Variants in DBT observed in about 807,000 individuals in gnomAD.
DBT encodes the protein lipoamide acyltransferase component of branched-chain alpha-keto acid dehydrogenase complex, mitochondrial.
DBT carries 40 observed loss-of-function variants against 51.3 expected under a neutral mutation model. The observed-to-expected ratio is 0.78, with a 90% CI of 0.61 to 1.02. The LOEUF (loss-of-function observed/expected upper bound fraction) is 1.02, where lower values mean the gene tolerates loss of function less well. Ranked by LOEUF, DBT falls within the 50% of genes least tolerant of loss-of-function variation. DBT has a pLI of 0.00. For missense variants in DBT, 510 were observed against 580.2 expected (o/e 0.88, Z 1.24); for synonymous variants, 181 against 190.4 (o/e 0.95, Z 0.41).
At chr1:100,230,324 C>T (rs1050138892) in intron 4 of DBT, among the ~76,000 whole-genome samples, 15 of 152,152 alleles carry the variant, frequency 9.9e-5, no homozygotes, top group African/African-American at 3.4e-4. Flanking sequence ...AACTCAAATC[C>T]TGTAAGTTAT....
chr1:100,205,741 T>C (rs1000359779), intron 10 of DBT, among the ~76,000 whole-genome samples: 1 of 152,184 alleles, frequency 6.6e-6, no homozygotes, highest in African/African-American at 2.4e-5. Flanking sequence ...AAAGAAAATG[T>C]GGCACATATA....
intron 1 of DBT, 70 bp from the exon 2 acceptor site, chr1:100,240,954 T>G: frequency 7.2e-7 from 1 of 1,394,134 alleles, no homozygotes; most frequent in Non-Finnish European, 1.0e-6. Flanking sequence ...AAGTATAAAT[T>G]GAATTTCAAT....
intron 1 of DBT, among the ~76,000 whole-genome samples, chr1:100,248,556 G>A (rs1408947300): frequency 6.6e-6 from 1 of 152,176 alleles, no homozygotes; most frequent in Non-Finnish European, 1.5e-5. Context: ...CAGAAAGTGG[G>A]AAAAGTGCAG....
chr1:100,196,055 A>C lies in DBT; in HGVS notation c.*200T>G. 1.6e-6 allele frequency: 1 copy of C among 613,092 alleles called. No individual in the cohort carries two copies. The highest frequency in any genetic ancestry group is 2.9e-6 in the Non-Finnish European group (1 of 347,978). 38.0% of individuals were successfully genotyped at this position (613,092 alleles called of 1,614,324 possible). On this transcript the variant is annotated 3_prime_UTR_variant, in exon 11 of 11. Coordinates refer to ENST00000370132, the MANE Select transcript of DBT (RefSeq NM_001918.5). ...CACACTCTGACCTATAAAATGTGAC[A>C]GCCCCAGGAGAACCATTACACCATT...
At chr1:100,207,977 A>G (rs1033850865) in intron 8 of DBT, among the ~76,000 whole-genome samples, 3 of 152,124 alleles carry the variant, frequency 2.0e-5, no homozygotes, top group African/African-American at 7.2e-5. Context: ...CGAAAAATAC[A>G]AAAAGAAATT....
intron 1 of DBT, among the ~76,000 whole-genome samples, chr1:100,241,366 TTGTGTGTGTGTGTG>T (rs58256713): frequency 7.6e-5 from 11 of 144,012 alleles, no homozygotes; most frequent in South Asian, 2.3e-4. Context: ...CTGAAAGGTA[TTGTGTGTGTGTGTG>T]TGTGTGTGTG....
intron 5 of DBT, among the ~76,000 whole-genome samples, chr1:100,217,209 G>T (rs1238728841): frequency 1.3e-5 from 2 of 152,066 alleles, no homozygotes; most frequent in Non-Finnish European, 2.9e-5. Context: ...TCTTTAGGGA[G>T]TGTTTTAGGA....
At chr1:100,249,729 ATCAC>A (rs1407507303) in intron 1 of DBT, 37 bp downstream of exon 1, 3 of 1,603,998 alleles carry the variant, frequency 1.9e-6, no homozygotes, top group Non-Finnish European at 2.6e-6. Flanking sequence ...CTCCGGACAA[ATCAC>A]TCCTTCCCGG....
Position 100,218,359 on chromosome 1 carries a change from A to G in DBT, c.555+267T>C, listed in dbSNP as rs551826506. On this transcript the variant is annotated intron_variant, in intron 5 of 10. Transcript: ENST00000370132. ...CCTGACATAAGACCTGGTATTTACAAGTGCTCAGTAAATGGTAGCTCTTAC... is the reference window on the plus strand; with the variant it reads ...CCTGACATAAGACCTGGTATTTACAGGTGCTCAGTAAATGGTAGCTCTTAC... Among the ~76,000 whole-genome samples, 26 of 152,324 alleles carry G rather than the reference A, an allele frequency of 1.7e-4. 1 individual carries two copies. In the South Asian group the frequency reaches 3.7e-3, roughly 22 times the overall value.
At chr1:100,238,083 C>T (rs1422151178) in intron 2 of DBT, among the ~76,000 whole-genome samples, 1 of 152,044 alleles carries the variant, frequency 6.6e-6, no homozygotes, top group Non-Finnish European at 1.5e-5. Context: ...CTCCAGGTTT[C>T]TAGCTTTCCT....
At chr1:100,215,036 C>CTT in intron 6 of DBT, 53 bp from the exon 7 acceptor site, 1 of 1,173,452 alleles carries the variant, frequency 8.5e-7, no homozygotes, top group Admixed American at 3.1e-5. Flanking sequence ...ATCTCTTCAT[C>CTT]CTTTTTTTTT....
intron 7 of DBT, among the ~76,000 whole-genome samples, chr1:100,211,320 T>C (rs1662122728): frequency 1.3e-5 from 2 of 152,218 alleles, no homozygotes; most frequent in African/African-American, 4.8e-5. Flanking sequence ...ATTTTCCCTC[T>C]CTGCTGCCTT....
chr1:100,202,350 GAA>G (rs931289953), intron 10 of DBT, among the ~76,000 whole-genome samples: 2 of 152,194 alleles, frequency 1.3e-5, no homozygotes, highest in African/African-American at 4.8e-5. Context: ...AATGCAACAA[GAA>G]TAGCTAACTA....
intron 3 of DBT, 81 bp downstream of exon 3, chr1:100,235,351 CCATT>C (rs1345045520): frequency 2.9e-6 from 2 of 688,374 alleles, no homozygotes; most frequent in African/African-American, 3.6e-5. Flanking sequence ...TTCCCACTAT[CCATT>C]AAATAAATAA....
At position 100,235,416 on chromosome 1, in the gene DBT, C is replaced by CT. The variant is rs201469612; in HGVS notation, c.251+19dup. On this transcript the variant is annotated intron_variant, in intron 3 of 10. Transcript: ENST00000370132. ...AATTATTTTTAAATTTACTTAAGAG[C>CT]TTTTTTCAGATTCACTTACCATTCT... The CT allele has an allele frequency of 9.0e-3, 11,413 of 1,272,154 alleles. 76 individuals are homozygous for CT. The highest frequency in any genetic ancestry group is 0.011 in the Non-Finnish European group (9,482 of 875,368). The allele number at this position is 1,272,154 out of a possible 1,614,324, so 78.8% of individuals were successfully genotyped here. A position where few individuals can be genotyped will look rare whatever the true frequency, so the allele number is the denominator to read the frequency against.
intron 4 of DBT, among the ~76,000 whole-genome samples, chr1:100,224,343 T>C (rs1357196923): frequency 6.6e-6 from 1 of 152,158 alleles, no homozygotes; most frequent in Non-Finnish European, 1.5e-5. Flanking sequence ...ATAAAATATT[T>C]AGAAATCTTT....
At chr1:100,247,583 C>T (rs1340886594) in intron 1 of DBT, among the ~76,000 whole-genome samples, 2 of 151,026 alleles carry the variant, frequency 1.3e-5, no homozygotes, top group Admixed American at 6.6e-5. Flanking sequence ...CCTGTAGTGC[C>T]AGCTACTTGG....
rs1660677723 is a variant in DBT at position 100,188,574 on chromosome 1, C to T, written c.*7681G>A. On this transcript the variant is annotated 3_prime_UTR_variant, in exon 11 of 11. Transcript: ENST00000370132. ...CATTGCCCGTTGGAGGAGACTCTGC[C>T]TTCTGCTCAGCCAAAAATCAGTGTG... is the stretch of plus-strand genomic sequence containing the variant. 1.4e-5 allele frequency: 2 copies of T among 145,822 alleles called. No homozygotes were observed. The highest frequency in any genetic ancestry group is 2.4e-5 in the African/African-American group (1 of 41,072). The allele number at this position is 145,822 out of a possible 1,614,324, so 9.0% of individuals were successfully genotyped here. A position where few individuals can be genotyped will look rare whatever the true frequency, so the allele number is the denominator to read the frequency against.
In DBT at chr1:100,195,126, CT is replaced by C. The variant is rs1661016316; in HGVS notation, c.*1128del. The stretch of plus-strand genomic sequence containing the variant: ...CCAGGATATGGAGAATGGAATAGAC[CT>C]TAATTTCTTATCCTATTTTTTAGCT... On this transcript the variant is annotated 3_prime_UTR_variant, in exon 11 of 11. Transcript: ENST00000370132. The C allele has an allele frequency of 6.6e-6, 1 of 152,438 alleles. No homozygotes were observed. Among genetic ancestry groups the C allele is most frequent in the Admixed American group, 6.6e-5 (1 of 15,252 alleles). 9.4% of individuals were successfully genotyped at this position (152,438 alleles called of 1,614,324 possible).
Sources: allele counts gnomAD v4.1 joint callset (sites outside exome capture counted in the v4.1 genomes callset), GRCh38; gene constraint gnomAD v4.1.1; transcripts MANE v1.5; gene names NCBI Gene and HGNC (gene_info 2026-07-23, HGNC 2026-07-21).